The following TDRD12 variants were observed in gnomAD, a reference collection of about 807,000 sequenced individuals.
The protein encoded by TDRD12 is putative ATP-dependent RNA helicase TDRD12.
Under a neutral mutation model 133.5 loss-of-function variants are expected in TDRD12, and 158 were observed. The ratio of observed to expected loss-of-function variants is 1.18; its 90% confidence interval spans 1.04 to 1.35. TDRD12 has a LOEUF of 1.35. Among genes scored for constraint, TDRD12 ranks in the 40% most tolerant of loss-of-function variants. The pLI is 0.00. For synonymous variants in TDRD12, 460 were observed against 477.9 expected (o/e 0.96, Z 0.49); for missense variants, 1,443 against 1,321.3 (o/e 1.09, Z -1.43).
exon 1 of TDRD12, chr19:32,719,961 A>T: frequency 7.5e-7 from 1 of 1,327,932 alleles, no homozygotes; most frequent in Non-Finnish European, 1.0e-6. Context: ...AGGTGGAGGG[A>T]AGGAACGCAC....
At chr19:32,766,194 A>G (rs1046604220) in intron 8 of TDRD12, among the ~76,000 whole-genome samples, 1 of 152,088 alleles carries the variant, frequency 6.6e-6, no homozygotes, top group African/African-American at 2.4e-5. Context: ...TATTTAAATC[A>G]TTTCTATTTA....
In TDRD12 at chr19:32,803,002, C is replaced by G. The variant is rs541196125; in HGVS notation, c.2412C>G (p.Gly804=). 49 of 1,535,946 alleles carry G rather than the reference C, an allele frequency of 3.2e-5. 1 individual carries two copies. In the Middle Eastern group the frequency reaches 5.0e-4, roughly 16 times the overall value. The change falls in exon 21 of 28, where the codon GGC becomes GGG. Residue 804 remains glycine (G), a synonymous_variant. Transcript: ENST00000444215. ...AGAAAGATGCGAGCCATGCGGTGGG[C>G]GTCCTGCGCTACTTGGAGCGAGCGG...
At chr19:32,776,648 T>C (rs1970593563) in intron 10 of TDRD12, among the ~76,000 whole-genome samples, 1 of 152,174 alleles carries the variant, frequency 6.6e-6, no homozygotes. Context: ...TCCCCTGCTG[T>C]TGGGGCCTCA....
intron 26 of TDRD12, among the ~76,000 whole-genome samples, chr19:32,816,830 G>T (rs1967197356): frequency 6.6e-6 from 1 of 152,166 alleles, no homozygotes; most frequent in African/African-American, 2.4e-5. Flanking sequence ...AAAACAGCAG[G>T]CACCTGTTAG....
intron 4 of TDRD12, among the ~76,000 whole-genome samples, chr19:32,746,777 G>A (rs1969652687): frequency 6.7e-6 from 1 of 148,874 alleles, no homozygotes; most frequent in Non-Finnish European, 1.5e-5. Flanking sequence ...TGGCTGATGT[G>A]GTTATTCTGT....
chr19:32,730,831 C>T (rs563054450), intron 1 of TDRD12, among the ~76,000 whole-genome samples: 1 of 152,270 alleles, frequency 6.6e-6, no homozygotes, highest in African/African-American at 2.4e-5. Context: ...GCCTGGCCAA[C>T]ATGATGAAAT....
downstream of TDRD12, among the ~76,000 whole-genome samples, chr19:32,824,677 A>G (rs139672957): frequency 9.9e-4 from 150 of 151,992 alleles, 1 homozygote; most frequent in African/African-American, 3.4e-3. Context: ...ATGTCACTTT[A>G]TCTTGTGTAA....
At chr19:32,719,837 A>C in exon 1 of TDRD12, 1 of 583,080 alleles carries the variant, frequency 1.7e-6, no homozygotes. Context: ...TCCCGCAGCG[A>C]GGGGCTGGTT....
chr19:32,814,699 C>T (rs955545971), intron 25 of TDRD12, among the ~76,000 whole-genome samples: 3 of 152,206 alleles, frequency 2.0e-5, no homozygotes, highest in African/African-American at 4.8e-5. Context: ...CACTGCAGCA[C>T]GTGTGGCAGT....
chr19:32,764,888 G>A (rs956487199), intron 8 of TDRD12, among the ~76,000 whole-genome samples: 4 of 151,524 alleles, frequency 2.6e-5, no homozygotes, highest in African/African-American at 4.8e-5. Context: ...ATTGACAAAT[G>A]GGATCTAATT....
intron 3 of TDRD12, among the ~76,000 whole-genome samples, chr19:32,739,652 G>C (rs1191701562): frequency 3.8e-4 from 54 of 143,690 alleles, no homozygotes; most frequent in Non-Finnish European, 1.5e-5. Flanking sequence ...GCATCTCCTG[G>C]TGCTCTCTCT....
intron 1 of TDRD12, among the ~76,000 whole-genome samples, chr19:32,725,860 ATTTG>A (rs1968841672): frequency 6.6e-6 from 1 of 152,002 alleles, no homozygotes; most frequent in Non-Finnish European, 1.5e-5. Context: ...ATGTTTTTCC[ATTTG>A]TTTGTGTCCT....
At chr19:32,732,514 G>A (rs1969090276) in intron 2 of TDRD12, among the ~76,000 whole-genome samples, 1 of 152,200 alleles carries the variant, frequency 6.6e-6, no homozygotes, top group Non-Finnish European at 1.5e-5. Flanking sequence ...CTTCAGTGTA[G>A]GGCCAACGCC....
chr19:32,734,344 T>G (rs1969157730), intron 2 of TDRD12, among the ~76,000 whole-genome samples: 1 of 151,952 alleles, frequency 6.6e-6, no homozygotes, highest in South Asian at 2.1e-4. Context: ...GTTTTGTTTT[T>G]CTCTCCTCCT....
intron 8 of TDRD12, among the ~76,000 whole-genome samples, chr19:32,765,772 G>C (rs1319891995): frequency 5.9e-5 from 9 of 151,896 alleles, no homozygotes; most frequent in Non-Finnish European, 1.2e-4. Flanking sequence ...ATAACATTAG[G>C]AGATATACCT....
chr19:32,826,485 C>CTG lies in TDRD12; in HGVS notation c.937_938dup (p.Arg314CysfsTer5). The CTG allele has an allele frequency of 8.0e-7, 1 of 1,251,752 alleles. No individual in the cohort carries two copies. The allele number at this position is 1,251,752 out of a possible 1,614,324, so 77.5% of individuals were successfully genotyped here. On this transcript the variant is annotated frameshift_variant, in exon 9 of 10. Transcript: ENST00000637289. LOFTEE classifies it high-confidence loss of function. ...CAAATTTTACCTGGCTGATCTGGAG[C>CTG]TGCGGGGCAACATAAGGAAAGATGA...
downstream of TDRD12, among the ~76,000 whole-genome samples, chr19:32,825,200 G>A (rs530207366): frequency 2.6e-5 from 4 of 152,210 alleles, no homozygotes; most frequent in Non-Finnish European, 5.9e-5. The surrounding 1 kb of genome is among the most constrained non-coding windows in gnomAD (Gnocchi z 4.1). Context: ...CACCGAGGAT[G>A]GCGCTTTCTC....
intron 11 of TDRD12, among the ~76,000 whole-genome samples, chr19:32,779,878 C>CA (rs1222558624): frequency 6.6e-6 from 1 of 152,106 alleles, no homozygotes; most frequent in Non-Finnish European, 1.5e-5. Context: ...GCTTGCCACT[C>CA]ACGTCATCTC....
intron 11 of TDRD12, among the ~76,000 whole-genome samples, chr19:32,788,439 A>G (rs1337235791): frequency 1.3e-5 from 2 of 152,036 alleles, no homozygotes; most frequent in Non-Finnish European, 2.9e-5. Flanking sequence ...TGATTTTACA[A>G]TTTTGTCCTC....
Sources: gnomAD v4.1 joint callset for allele counts (sites outside exome capture counted in the v4.1 genomes callset) on GRCh38, gnomAD v4.1.1 for gene constraint, Gnocchi (gnomAD v3.1) non-coding constraint, MANE v1.5 for transcripts, NCBI Gene and HGNC (gene_info 2026-07-23, HGNC 2026-07-21) for gene names.